Variants in FSTL5 observed in about 807,000 individuals in gnomAD.
The protein encoded by FSTL5 is follistatin-related protein 5.
Under a neutral mutation model 89.1 loss-of-function variants are expected in FSTL5, and 62 were observed. That is an observed-to-expected ratio of 0.70 (90% confidence interval 0.57 to 0.86). The LOEUF is 0.86. Among genes scored for constraint, FSTL5 ranks in the 40% least tolerant of loss-of-function variants. FSTL5 has a pLI of 0.00. For missense variants in FSTL5, 1,057 were observed against 1,001.6 expected (o/e 1.06, Z -0.75); for synonymous variants, 383 against 346.2 (o/e 1.11, Z -1.18).
At chr4:161,414,768 G>C (rs528460036) in intron 15 of FSTL5, among the ~76,000 whole-genome samples, 3 of 152,128 alleles carry the variant, frequency 2.0e-5, no homozygotes, top group Non-Finnish European at 4.4e-5. Context: ...TTAAAACAAT[G>C]ATATGAATTC....
In FSTL5 at chr4:161,542,518, C is replaced by A; in HGVS notation, c.1177+14G>T. ...CATGGTCATTTAAGAGAAAAAAAAG[C>A]AAGTAAAAAGCACCTTGAAGCGTGA... On this transcript the variant is annotated intron_variant, in intron 9 of 15. Coordinates refer to ENST00000306100, the MANE Select transcript of FSTL5 (RefSeq NM_020116.5). The A allele has an allele frequency of 1.4e-6, 2 of 1,387,598 alleles. No homozygotes were observed. The highest frequency in any genetic ancestry group is 2.7e-5 in the Admixed American group (1 of 36,746). 86.0% of individuals were successfully genotyped at this position (1,387,598 alleles called of 1,614,324 possible). A position where few individuals can be genotyped will look rare whatever the true frequency, so the allele number is the denominator to read the frequency against.
intron 2 of FSTL5, among the ~76,000 whole-genome samples, chr4:162,050,291 C>T (rs1738337044): frequency 6.6e-6 from 1 of 151,012 alleles, no homozygotes; most frequent in Non-Finnish European, 1.5e-5. Context: ...AATACTCATA[C>T]AGGAAAAATA....
At chr4:161,522,763 T>C (rs1731082695) in intron 10 of FSTL5, among the ~76,000 whole-genome samples, 2 of 151,616 alleles carry the variant, frequency 1.3e-5, no homozygotes, top group Non-Finnish European at 2.9e-5. Context: ...GAATAAACAG[T>C]CAAATAGTCG....
chr4:161,496,856 A>T (rs28569263), intron 12 of FSTL5, among the ~76,000 whole-genome samples: 1 of 152,164 alleles, frequency 6.6e-6, no homozygotes, highest in Non-Finnish European at 1.5e-5. Flanking sequence ...AGAGAAATAG[A>T]GGGAAACGTG....
chr4:161,577,811 C>T (rs1386330622), intron 8 of FSTL5, among the ~76,000 whole-genome samples: 1 of 152,072 alleles, frequency 6.6e-6, no homozygotes, highest in Non-Finnish European at 1.5e-5. Flanking sequence ...GCTACAAGAG[C>T]TTACACAAGG....
chr4:161,912,025 G>T (rs879921665), intron 4 of FSTL5, among the ~76,000 whole-genome samples: 1 of 152,140 alleles, frequency 6.6e-6, no homozygotes, highest in Admixed American at 6.5e-5. Flanking sequence ...AAGAATTTCA[G>T]AAGTGAAATA....
At chr4:161,455,919 TACTG>T (rs1733337117) in intron 14 of FSTL5, among the ~76,000 whole-genome samples, 1 of 152,206 alleles carries the variant, frequency 6.6e-6, no homozygotes, top group African/African-American at 2.4e-5. Context: ...CTTCCTAAAC[TACTG>T]ACTAAGTTAA....
At chr4:162,156,140 G>T (rs1561050495) in intron 1 of FSTL5, among the ~76,000 whole-genome samples, 1 of 152,022 alleles carries the variant, frequency 6.6e-6, no homozygotes, top group Non-Finnish European at 1.5e-5. Flanking sequence ...ATGAAAAAAT[G>T]CTCCACGTCA....
chr4:162,060,461 T>G, intron 2 of FSTL5, among the ~76,000 whole-genome samples: 1 of 151,972 alleles, frequency 6.6e-6, no homozygotes, highest in East Asian at 1.9e-4. Flanking sequence ...TGTATGAGTC[T>G]ATCTAAGCTT....
rs1657462623 is a variant in FSTL5 at position 161,384,846 on chromosome 4, C to T, written c.*901G>A. On this transcript the variant is annotated 3_prime_UTR_variant, in exon 16 of 16. Coordinates refer to ENST00000306100, the MANE Select transcript of FSTL5 (RefSeq NM_020116.5). ...GTTTCTTTTTTAAAACCGAAAGTTC[C>T]TGATGATGAAACATTGGACTATATG... The T allele has an allele frequency of 6.6e-6, 1 of 151,948 alleles. No individual in the cohort carries two copies. Among genetic ancestry groups the T allele is most frequent in the Non-Finnish European group, 1.5e-5 (1 of 67,976 alleles). 9.4% of individuals were successfully genotyped at this position (151,948 alleles called of 1,614,324 possible).
Position 161,789,023 on chromosome 4 carries a change from A to G in FSTL5, c.410-12949T>C, listed in dbSNP as rs1008448763. Reference sequence around the variant, plus strand: ...GAATTGTTTCTTATTTCATTTACTGATTTGGTTACCTGTTTATGAGCAGTG... The same window carrying G: ...GAATTGTTTCTTATTTCATTTACTGGTTTGGTTACCTGTTTATGAGCAGTG... On this transcript the variant is annotated intron_variant, in intron 4 of 15. Transcript: ENST00000306100. Among the ~76,000 whole-genome samples the G allele has an allele frequency of 3.9e-5, 6 of 152,150 alleles. No individual in the cohort carries two copies. In the South Asian group the frequency reaches 8.3e-4, roughly 21 times the overall value.
chr4:161,573,733 C>CAAAAAAAAAAAAAAAAAAAAAAACAAAA (rs1733110980), intron 8 of FSTL5, among the ~76,000 whole-genome samples: 1 of 50,622 alleles, frequency 2.0e-5, no homozygotes, highest in Non-Finnish European at 3.4e-5. Flanking sequence ...AACTCCAGCT[C>CAAAAAAAAAAAAAAAAAAAAAAACAAAA]AAAAAAAAAA....
chr4:161,547,168 G>A (rs1417760449), intron 8 of FSTL5, among the ~76,000 whole-genome samples: 1 of 152,024 alleles, frequency 6.6e-6, no homozygotes, highest in South Asian at 2.1e-4. Flanking sequence ...AGCCACGTGA[G>A]TGAGTAATCT....
intron 4 of FSTL5, among the ~76,000 whole-genome samples, chr4:161,897,706 T>C (rs1411616389): frequency 6.6e-6 from 1 of 152,118 alleles, no homozygotes; most frequent in Admixed American, 6.5e-5. Context: ...TTACAAGTAA[T>C]GAGCTGATAA....
chr4:161,615,436 C>A (rs1734824857), intron 7 of FSTL5, among the ~76,000 whole-genome samples: 3 of 136,742 alleles, frequency 2.2e-5, no homozygotes, highest in Non-Finnish European at 4.6e-5. Context: ...CAGGGCGAGA[C>A]TCCATCTCAA....
chr4:161,644,904 A>T (rs1736096151), intron 7 of FSTL5, among the ~76,000 whole-genome samples: 1 of 152,188 alleles, frequency 6.6e-6, no homozygotes, highest in Non-Finnish European at 1.5e-5. Flanking sequence ...ATAAATGAAA[A>T]AGTTAAATTC....
At chr4:161,520,643 C>T (rs1230364863) in intron 10 of FSTL5, among the ~76,000 whole-genome samples, 1 of 152,094 alleles carries the variant, frequency 6.6e-6, no homozygotes. Context: ...AAAGGAAAAA[C>T]TAACCCTAGA....
intron 4 of FSTL5, among the ~76,000 whole-genome samples, chr4:161,856,134 G>A (rs997378953): frequency 1.3e-5 from 2 of 152,006 alleles, no homozygotes; most frequent in Non-Finnish European, 2.9e-5. Context: ...GTAATCTTTT[G>A]AGGTTGAGGA....
intron 4 of FSTL5, among the ~76,000 whole-genome samples, chr4:161,787,158 T>C (rs1313372837): frequency 1.3e-5 from 2 of 152,088 alleles, no homozygotes; most frequent in Admixed American, 6.5e-5. Context: ...TCAATATATC[T>C]TCAGTGGATA....
Sources: gnomAD v4.1 joint callset for allele counts (sites outside exome capture counted in the v4.1 genomes callset) on GRCh38, gnomAD v4.1.1 for gene constraint, MANE v1.5 for transcripts, NCBI Gene and HGNC (gene_info 2026-07-23, HGNC 2026-07-21) for gene names.